Variants in PDCD1LG2 observed in about 807,000 individuals in gnomAD.
PDCD1LG2 encodes the protein programmed cell death 1 ligand 2.
A neutral mutation model predicts 28.2 loss-of-function variants in PDCD1LG2; 32 were observed. That is an observed-to-expected ratio of 1.13 (90% CI 0.86 to 1.52). The LOEUF is 1.52. Among genes scored for constraint, PDCD1LG2 ranks in the 40% most tolerant of loss-of-function variants. The pLI is 0.00. For missense variants in PDCD1LG2, 385 were observed against 323.8 expected, an observed-to-expected ratio of 1.19 and a Z score of -1.45; for synonymous variants, 116 against 120.2, an observed-to-expected ratio of 0.97 and a Z score of 0.23.
At chr9:5,567,556 G>T (rs2129965033) in intron 6 of PDCD1LG2, among the ~76,000 whole-genome samples, 1 of 152,292 alleles carries the variant, frequency 6.6e-6, no homozygotes, top group East Asian at 1.9e-4. Context: ...ATCAAGCCTT[G>T]GTTAGAGTTT....
intron 4 of PDCD1LG2, among the ~76,000 whole-genome samples, chr9:5,553,340 G>T (rs1816375040): frequency 6.6e-6 from 1 of 152,120 alleles, no homozygotes; most frequent in Admixed American, 6.5e-5. Context: ...CCTCTAAAGA[G>T]GATTAAATAT....
At chr9:5,548,103 T>C (rs926977563) in intron 3 of PDCD1LG2, among the ~76,000 whole-genome samples, 2 of 152,148 alleles carry the variant, frequency 1.3e-5, no homozygotes, top group Non-Finnish European at 2.9e-5. Context: ...ACTGTGGTCA[T>C]CACACATGGC....
At chr9:5,535,152 G>A (rs930915006) in intron 3 of PDCD1LG2, 102 bp downstream of exon 3, 1 of 1,094,862 alleles carries the variant, frequency 9.1e-7, no homozygotes. Flanking sequence ...AAACAAGCAG[G>A]CTGCTTTTAA....
At position 5,570,570 on chromosome 9, in the gene PDCD1LG2, A is replaced by T. The variant is rs1420580170; in HGVS notation, c.*611A>T. 1 of 232,826 alleles carries T rather than the reference A, an allele frequency of 4.3e-6. No homozygotes were observed. The highest frequency in any genetic ancestry group is 8.5e-6 in the Non-Finnish European group (1 of 117,876). 14.4% of individuals were successfully genotyped at this position (232,826 alleles called of 1,614,324 possible). A position where few individuals can be genotyped will look rare whatever the true frequency, so the allele number is the denominator to read the frequency against. The stretch of plus-strand genomic sequence containing the variant: ...AGTGCACAAATTGTGGAGTAAAGTC[A>T]TCAAGCTCTGTTTTTGAGGTCTAAG... On this transcript the variant is annotated 3_prime_UTR_variant, in exon 7 of 7. Coordinates refer to ENST00000397747, the MANE Select transcript of PDCD1LG2 (RefSeq NM_025239.4).
chr9:5,556,850 C>G (rs1816452505), intron 4 of PDCD1LG2, among the ~76,000 whole-genome samples: 1 of 152,170 alleles, frequency 6.6e-6, no homozygotes, highest in Admixed American at 6.5e-5. Context: ...GTCTGGAGCC[C>G]TTGTTCTAAT....
intron 4 of PDCD1LG2, among the ~76,000 whole-genome samples, chr9:5,556,602 C>T (rs763113092): frequency 4.6e-5 from 7 of 152,108 alleles, no homozygotes; most frequent in East Asian, 1.9e-4. Context: ...TAAAACAATC[C>T]GTGGTTCTCA....
At chr9:5,527,403 A>G (rs911479977) in intron 2 of PDCD1LG2, among the ~76,000 whole-genome samples, 2 of 152,238 alleles carry the variant, frequency 1.3e-5, no homozygotes, top group African/African-American at 2.4e-5. Flanking sequence ...AAATGGGATC[A>G]TTCATTAGAT....
chr9:5,557,401 T>C (rs1421914328), intron 4 of PDCD1LG2, among the ~76,000 whole-genome samples: 2 of 152,176 alleles, frequency 1.3e-5, no homozygotes, highest in African/African-American at 4.8e-5. Context: ...CTCCCTTTCT[T>C]CACCAGTGAA....
chr9:5,545,801 C>A (rs1424862919), intron 3 of PDCD1LG2, among the ~76,000 whole-genome samples: 2 of 152,158 alleles, frequency 1.3e-5, no homozygotes, highest in Non-Finnish European at 2.9e-5. Context: ...AACATACACC[C>A]AGCAACTACA....
intron 3 of PDCD1LG2, among the ~76,000 whole-genome samples, chr9:5,538,591 G>A (rs2129816818): frequency 6.6e-6 from 1 of 152,218 alleles, no homozygotes; most frequent in East Asian, 1.9e-4. Flanking sequence ...GGGAGGCTGA[G>A]GCAGGAGAAT....
At chr9:5,523,706 T>C (rs1306042169) in intron 2 of PDCD1LG2, among the ~76,000 whole-genome samples, 6 of 152,196 alleles carry the variant, frequency 3.9e-5, no homozygotes, top group African/African-American at 1.4e-4. Flanking sequence ...AATAACTTCC[T>C]TGCTACAAAA....
chr9:5,557,250 ATGATAGATGGATGGAT>A lies in PDCD1LG2; in HGVS notation c.632-363_632-348del, dbSNP rs1005179703. Among the ~76,000 whole-genome samples the A allele has an allele frequency of 7.4e-4, 102 of 137,172 alleles. 1 individual carries two copies. The highest frequency in any genetic ancestry group is 1.4e-3 in the Non-Finnish European group (86 of 62,966). The allele number at this position is 137,172 out of a possible 152,430, so 90.0% of individuals were successfully genotyped here. On this transcript the variant is annotated intron_variant, in intron 4 of 6. Transcript: ENST00000397747. ...AGAAAAAAGAAAGAAAGATGATTAG[ATGATAGATGGATGGAT>A]TGATGGATGGATGGAAAAAAATAAC...
chr9:5,525,776 T>G (rs77350711), intron 2 of PDCD1LG2, among the ~76,000 whole-genome samples: 7 of 152,044 alleles, frequency 4.6e-5, no homozygotes, highest in Middle Eastern at 3.4e-3. Flanking sequence ...AGGCCGGGCA[T>G]GGTGGCTCAC....
At chr9:5,531,576 T>C (rs1019532547) in intron 2 of PDCD1LG2, among the ~76,000 whole-genome samples, 4 of 152,076 alleles carry the variant, frequency 2.6e-5, no homozygotes, top group South Asian at 2.1e-4. Flanking sequence ...ACAGGAAAAA[T>C]AGGAAGAAAA....
Position 5,569,185 on chromosome 9 carries a change from G to A in PDCD1LG2, c.817-769G>A, listed in dbSNP as rs552335821. On this transcript the variant is annotated intron_variant, in intron 6 of 6. Transcript: ENST00000397747. The surrounding 1 kb of genome is among the most constrained non-coding windows in gnomAD (Gnocchi z 4.1). The stretch of plus-strand genomic sequence containing the variant: ...AGAGTGCTTCAGTTAGATCCTAGCA[G>A]GAAATGGAGGGTATGCTTAGAAGAG... Among the ~76,000 whole-genome samples, 2 of 152,284 alleles carry A rather than the reference G, an allele frequency of 1.3e-5. No individual in the cohort carries two copies. The highest frequency in any genetic ancestry group is 3.9e-4 in the East Asian group (2 of 5,182).
At chr9:5,534,233 G>T (rs1333135117) in intron 2 of PDCD1LG2, among the ~76,000 whole-genome samples, 1 of 152,158 alleles carries the variant, frequency 6.6e-6, no homozygotes, top group East Asian at 1.9e-4. Flanking sequence ...CTGGTGAGAG[G>T]AAGTGATACC....
intron 1 of PDCD1LG2, among the ~76,000 whole-genome samples, chr9:5,511,940 GCTTAGTGGGTGC>G (rs1220819926): frequency 1.3e-5 from 2 of 152,166 alleles, no homozygotes; most frequent in African/African-American, 4.8e-5. Flanking sequence ...ACACATAGGT[GCTTAGTGGGTGC>G]TTGCCGAATT....
intron 6 of PDCD1LG2, among the ~76,000 whole-genome samples, chr9:5,566,820 A>G (rs552466743): frequency 1.3e-4 from 20 of 152,306 alleles, no homozygotes; most frequent in African/African-American, 4.8e-4. Context: ...AATACTTTCT[A>G]TATAATAAAA....
chr9:5,543,346 T>C (rs56299437), intron 3 of PDCD1LG2, among the ~76,000 whole-genome samples: 1,891 of 152,180 alleles, frequency 0.012, 20 homozygotes, highest in Non-Finnish European at 0.019. Flanking sequence ...AAGATCATCC[T>C]GGCTAACACG....
Sources: allele counts gnomAD v4.1 joint callset (sites outside exome capture counted in the v4.1 genomes callset), GRCh38; gene constraint gnomAD v4.1.1; non-coding constraint Gnocchi (gnomAD v3.1); transcripts MANE v1.5; gene names NCBI Gene and HGNC (gene_info 2026-07-23, HGNC 2026-07-21).